FOXN3: variants seen among roughly 807,000 people sequenced by gnomAD.
The protein encoded by FOXN3 is forkhead box N3.
A neutral mutation model predicts 38.4 loss-of-function variants in FOXN3; 7 were observed. That is an observed-to-expected ratio of 0.18 (90% CI 0.10 to 0.34). The LOEUF is 0.34. Ranked by LOEUF, FOXN3 falls within the 10% of genes least tolerant of loss-of-function variation. FOXN3 has a pLI of 1.00. For missense variants in FOXN3, 456 were observed against 613.4 expected (o/e 0.74, Z 2.71); for synonymous variants, 230 against 242.2 (o/e 0.95, Z 0.47).
chr14:89,393,725 C>T (rs1402529702), intron 2 of FOXN3, among the ~76,000 whole-genome samples: 2 of 152,222 alleles, frequency 1.3e-5, no homozygotes, highest in Non-Finnish European at 2.9e-5. Context: ...AAATAACCAT[C>T]TGGCAATAAA....
At chr14:89,372,850 A>C (rs1189553395) in intron 2 of FOXN3, among the ~76,000 whole-genome samples, 1 of 152,226 alleles carries the variant, frequency 6.6e-6, no homozygotes, top group Non-Finnish European at 1.5e-5. Flanking sequence ...CACAATGTTA[A>C]AAATAAAATT....
chr14:89,428,507 A>C (rs1205434297), intron 1 of FOXN3, among the ~76,000 whole-genome samples: 1 of 152,188 alleles, frequency 6.6e-6, no homozygotes, highest in Non-Finnish European at 1.5e-5. Context: ...GTTCAACAGC[A>C]CCTCACTTCT....
rs139073953 is a variant in FOXN3 at position 89,236,244 on chromosome 14, G to A, written c.745+44706C>T. On this transcript the variant is annotated intron_variant, in intron 4 of 5. Transcript: ENST00000557258. The stretch of plus-strand genomic sequence containing the variant: ...TGAGAGTAGCATGCAGGCCGGGCAC[G>A]GTGGCTCATGCCTGTAATCCCAGCA... Among the ~76,000 whole-genome samples, 327 of 152,288 alleles carry A rather than the reference G, an allele frequency of 2.1e-3. 2 individuals carry two copies. Among genetic ancestry groups the A allele is most frequent in the African/African-American group, 7.3e-3 (302 of 41,568 alleles).
rs907522498 is a variant in FOXN3 at position 89,164,625 on chromosome 14, A to T, written c.852-1656T>A. ...TGTCAGCACGGTGGACACAGCAGAT[A>T]AACTGAGGAAGTGCGGCACAGGTGG... On this transcript the variant is annotated intron_variant, in intron 5 of 5. Transcript: ENST00000557258. The surrounding 1 kb of genome is among the most constrained non-coding windows in gnomAD (Gnocchi z 4.3). Among the ~76,000 whole-genome samples the T allele has an allele frequency of 1.3e-5, 2 of 152,142 alleles. No individual in the cohort carries two copies. Among genetic ancestry groups the T allele is most frequent in the African/African-American group, 2.4e-5 (1 of 41,432 alleles).
At chr14:89,212,310 C>T (rs1040475913) in intron 4 of FOXN3, among the ~76,000 whole-genome samples, 15 of 152,298 alleles carry the variant, frequency 9.8e-5, no homozygotes, top group African/African-American at 2.6e-4. Context: ...CTTCAAACTG[C>T]GGAGGTTGGG....
At position 89,486,910 on chromosome 14, in the gene FOXN3, G is replaced by A. The variant is rs1389064494; in HGVS notation, c.-14-74420C>T. On this transcript the variant is annotated intron_variant, in intron 1 of 6. Coordinates refer to the FOXN3 transcript ENST00000345097. The stretch of plus-strand genomic sequence containing the variant: ...AAGATCCAGAAATTTGAAAATACAT[G>A]CCATCTCAATGTGAGATTATTTTAT... Among the ~76,000 whole-genome samples, 6 of 152,260 alleles carry A rather than the reference G, an allele frequency of 3.9e-5. No homozygotes were observed. In the East Asian group the frequency reaches 1.2e-3, roughly 29 times the overall value.
At chr14:89,507,416 T>C (rs1382424876) in intron 1 of FOXN3, among the ~76,000 whole-genome samples, 1 of 152,256 alleles carries the variant, frequency 6.6e-6, no homozygotes, top group East Asian at 1.9e-4. Flanking sequence ...CTTGAGAAAT[T>C]TGAGAATTTG....
chr14:89,409,470 C>T (rs1399122169), intron 2 of FOXN3: 1 of 152,220 alleles, frequency 6.6e-6, no homozygotes, highest in Non-Finnish European at 1.5e-5. Context: ...TCTCGCTGCA[C>T]GCCTTGGCGT....
At chr14:89,227,275 CTA>C (rs1480741577) in intron 4 of FOXN3, among the ~76,000 whole-genome samples, 2 of 152,120 alleles carry the variant, frequency 1.3e-5, no homozygotes, top group Non-Finnish European at 2.9e-5. Context: ...CAGGATTTTT[CTA>C]TGTCTCAAAA....
At chr14:89,347,679 C>T (rs890596355) in intron 3 of FOXN3, among the ~76,000 whole-genome samples, 1 of 152,098 alleles carries the variant, frequency 6.6e-6, no homozygotes, top group Non-Finnish European at 1.5e-5. Context: ...ATGGGCCGGG[C>T]GCGGTGGCTC....
chr14:89,529,730 C>A (rs969102789), intron 1 of FOXN3, among the ~76,000 whole-genome samples: 2 of 152,072 alleles, frequency 1.3e-5, no homozygotes, highest in African/African-American at 2.4e-5. Context: ...CTGGATTATA[C>A]AATGCTTCTG....
intron 1 of FOXN3, among the ~76,000 whole-genome samples, chr14:89,530,170 C>T (rs1465640098): frequency 6.6e-6 from 1 of 152,128 alleles, no homozygotes; most frequent in East Asian, 1.9e-4. Flanking sequence ...GAACTCCTGA[C>T]CTCGTGATCC....
rs1887053880 is a variant in FOXN3, at chr14:89,159,679, AT to A, written c.*2734del. On this transcript the variant is annotated 3_prime_UTR_variant, in exon 6 of 6. Transcript: ENST00000557258. ...TCTGCCTTTCAGGAGAGAGGTCTGA[AT>A]TTTATCATCTGTGGGGTGGGATGAA... is the stretch of plus-strand genomic sequence containing the variant. The A allele has an allele frequency of 6.6e-6, 1 of 152,188 alleles. No individual in the cohort carries two copies. Among genetic ancestry groups the A allele is most frequent in the Non-Finnish European group, 1.5e-5 (1 of 68,082 alleles). The allele number at this position is 152,188 out of a possible 1,614,324, so 9.4% of individuals were successfully genotyped here.
chr14:89,198,932 T>A (rs1398848840), intron 4 of FOXN3, among the ~76,000 whole-genome samples: 1 of 152,254 alleles, frequency 6.6e-6, no homozygotes, highest in Non-Finnish European at 1.5e-5. Context: ...TTCCTCCTTT[T>A]TGCAAAATCC....
intron 1 of FOXN3, among the ~76,000 whole-genome samples, chr14:89,592,463 TA>T (rs1278432968): frequency 2.0e-5 from 3 of 151,620 alleles, no homozygotes; most frequent in Non-Finnish European, 4.4e-5. Context: ...ACACCGGGGA[TA>T]AAATTAAAAT....
chr14:89,611,597 G>A (rs1041213368), intron 1 of FOXN3, among the ~76,000 whole-genome samples: 2 of 152,084 alleles, frequency 1.3e-5, no homozygotes, highest in African/African-American at 4.8e-5. Context: ...ACAAGGTCAG[G>A]AGATCGAGAC....
At chr14:89,375,946 A>G (rs970740584) in intron 2 of FOXN3, among the ~76,000 whole-genome samples, 5 of 151,758 alleles carry the variant, frequency 3.3e-5, no homozygotes, top group African/African-American at 4.8e-5. Context: ...ATGCCTGGCT[A>G]ATTTTTTTGT....
At chr14:89,417,636 C>A, upstream of FOXN3, 1 of 453,920 alleles carries the variant, frequency 2.2e-6, no homozygotes, top group African/African-American at 2.0e-5. Flanking sequence ...ACCCCATCTG[C>A]ATGCCTTACA....
At chr14:89,321,820 C>G (rs867566553) in intron 3 of FOXN3, among the ~76,000 whole-genome samples, 3 of 149,644 alleles carry the variant, frequency 2.0e-5, no homozygotes, top group Admixed American at 6.7e-5. Context: ...AAAAAACAAA[C>G]AAGAAGCCCA....
Sources: allele counts gnomAD v4.1 joint callset (sites outside exome capture counted in the v4.1 genomes callset), GRCh38; gene constraint gnomAD v4.1.1; non-coding constraint Gnocchi (gnomAD v3.1); transcripts MANE v1.5; gene names NCBI Gene and HGNC (gene_info 2026-07-23, HGNC 2026-07-21).